Variants in FOXP2 observed in about 807,000 individuals in gnomAD.
The protein encoded by FOXP2 is forkhead box protein P2.
FOXP2 carries 12 observed loss-of-function variants against 115.8 expected under a neutral mutation model. The ratio of observed to expected loss-of-function variants is 0.10; its 90% CI spans 0.07 to 0.17. The LOEUF is 0.17. FOXP2 is among the 10% of genes least tolerant of loss of function. FOXP2 has a pLI of 1.00. For missense variants in FOXP2, 629 were observed against 843.5 expected (o/e 0.75, Z 3.15); for synonymous variants, 328 against 297.7 (o/e 1.10, Z -1.05).
chr7:114,538,573 G>A (rs986745289), intron 3 of FOXP2, among the ~76,000 whole-genome samples: 3 of 151,552 alleles, frequency 2.0e-5, no homozygotes, highest in South Asian at 2.1e-4. Context: ...ATTAAACTTG[G>A]GGGTCTTATT....
intron 14 of FOXP2, among the ~76,000 whole-genome samples, chr7:114,662,695 CAACT>C (rs1806934941): frequency 6.6e-6 from 1 of 152,040 alleles, no homozygotes; most frequent in African/African-American, 2.4e-5. Context: ...GCTTTTACTC[CAACT>C]GTGATGGTTT....
In FOXP2 at chr7:114,693,558, C is replaced by G. The variant is rs1280340333; in HGVS notation, c.*3632C>G. On this transcript the variant is annotated 3_prime_UTR_variant, in exon 17 of 17. Coordinates refer to ENST00000350908, the MANE Select transcript of FOXP2 (RefSeq NM_014491.4). ...AACATGGCTTACCCTTGTTATTTCA[C>G]TAGTTCAGGTTGCAACGAAAGGTTT... 1 of 453,158 alleles carries G rather than the reference C, an allele frequency of 2.2e-6. No homozygotes were observed. Among genetic ancestry groups the G allele is most frequent in the Admixed American group, 2.4e-5 (1 of 42,464 alleles). The allele number at this position is 453,158 out of a possible 1,614,324, so 28.1% of individuals were successfully genotyped here.
chr7:114,157,895 T>C (rs1197755390), intron 1 of FOXP2, among the ~76,000 whole-genome samples: 1 of 152,206 alleles, frequency 6.6e-6, no homozygotes, highest in Middle Eastern at 3.4e-3. Context: ...ACTATCATTA[T>C]AGTAGTAGGT....
chr7:114,250,841 CT>C (rs1222296462), intron 1 of FOXP2, among the ~76,000 whole-genome samples: 1 of 152,110 alleles, frequency 6.6e-6, no homozygotes, highest in Non-Finnish European at 1.5e-5. Context: ...GTTGCCATTG[CT>C]TTTGGTGTTT....
intron 1 of FOXP2, among the ~76,000 whole-genome samples, chr7:114,422,001 TGTTAA>T (rs1793644035): frequency 6.6e-6 from 1 of 151,772 alleles, no homozygotes; most frequent in Non-Finnish European, 1.5e-5. Context: ...TTGTTACATA[TGTTAA>T]GTTTTCTTAA....
intron 2 of FOXP2, among the ~76,000 whole-genome samples, chr7:114,533,969 T>A (rs1799257562): frequency 6.6e-6 from 1 of 151,952 alleles, no homozygotes. Flanking sequence ...ATTGGTATTC[T>A]GTCACACATA....
chr7:114,444,690 A>G (rs747005864), intron 2 of FOXP2, among the ~76,000 whole-genome samples: 1 of 152,202 alleles, frequency 6.6e-6, no homozygotes, highest in African/African-American at 2.4e-5. Context: ...AAAAATATTT[A>G]TATAATGTTT....
intron 1 of FOXP2, among the ~76,000 whole-genome samples, chr7:114,102,895 A>T (rs1791024709): frequency 6.6e-6 from 1 of 151,996 alleles, no homozygotes; most frequent in Non-Finnish European, 1.5e-5. Context: ...TTCCCTTTTC[A>T]TTGCAATTAA....
At chr7:114,088,253 GT>G (rs1799466360) in intron 1 of FOXP2, 1 of 152,416 alleles carries the variant, frequency 6.6e-6, no homozygotes, top group Admixed American at 6.5e-5. Context: ...GCCATGCAAG[GT>G]GCGCTAGGTG....
intron 2 of FOXP2, among the ~76,000 whole-genome samples, chr7:114,368,002 A>G (rs185288828): frequency 5.1e-4 from 77 of 152,302 alleles, no homozygotes; most frequent in African/African-American, 1.9e-3. Context: ...AAATAGACAC[A>G]TTTGTTTGGG....
chr7:114,556,943 T>C (rs1175541882), intron 3 of FOXP2, among the ~76,000 whole-genome samples: 1 of 152,228 alleles, frequency 6.6e-6, no homozygotes, highest in Non-Finnish European at 1.5e-5. Context: ...ACAAGCTAAA[T>C]GCTATATAAT....
intron 2 of FOXP2, among the ~76,000 whole-genome samples, chr7:114,401,434 C>T (rs1474503481): frequency 6.6e-6 from 1 of 152,090 alleles, no homozygotes; most frequent in East Asian, 1.9e-4. Flanking sequence ...TCTTTTTCCC[C>T]TTCCTTCACT....
chr7:114,474,980 T>C (rs1021133046), intron 2 of FOXP2, among the ~76,000 whole-genome samples: 5 of 151,984 alleles, frequency 3.3e-5, no homozygotes, highest in African/African-American at 1.2e-4. Flanking sequence ...AACTTGAAAG[T>C]AAAAGATGTA....
intron 2 of FOXP2, among the ~76,000 whole-genome samples, chr7:114,520,501 T>A (rs1409102997): frequency 6.6e-6 from 1 of 152,118 alleles, no homozygotes; most frequent in Non-Finnish European, 1.5e-5. Flanking sequence ...TTATCTCTAG[T>A]ATCTAACAAA....
chr7:114,581,355 T>C (rs1380242343), intron 3 of FOXP2, among the ~76,000 whole-genome samples: 1 of 151,842 alleles, frequency 6.6e-6, no homozygotes, highest in East Asian at 1.9e-4. Context: ...GACTAATTAT[T>C]GTATTTTTTG....
At chr7:114,165,136 C>T (rs1792944090) in intron 1 of FOXP2, among the ~76,000 whole-genome samples, 1 of 152,076 alleles carries the variant, frequency 6.6e-6, no homozygotes. Context: ...TCTGTTTGTT[C>T]ACCTGTCTGA....
chr7:114,467,432 C>T (rs928152161), intron 2 of FOXP2, among the ~76,000 whole-genome samples: 3 of 152,216 alleles, frequency 2.0e-5, no homozygotes, highest in Middle Eastern at 3.4e-3. Flanking sequence ...GAGAGAGCAT[C>T]GGAAGGAAAG....
intron 2 of FOXP2, among the ~76,000 whole-genome samples, chr7:114,299,906 G>A (rs959822165): frequency 2.0e-5 from 3 of 151,928 alleles, no homozygotes; most frequent in African/African-American, 7.2e-5. Context: ...AATGATTTAA[G>A]GAAATCAAAG....
At chr7:114,541,480 C>G (rs1475921029) in intron 3 of FOXP2, among the ~76,000 whole-genome samples, 1 of 151,980 alleles carries the variant, frequency 6.6e-6, no homozygotes, top group Non-Finnish European at 1.5e-5. Flanking sequence ...GGAAGGAGAA[C>G]ATTTTTGCAT....
Sources: allele counts gnomAD v4.1 joint callset (sites outside exome capture counted in the v4.1 genomes callset), GRCh38; gene constraint gnomAD v4.1.1; transcripts MANE v1.5; gene names NCBI Gene and HGNC (gene_info 2026-07-23, HGNC 2026-07-21).